PCDH17: variants seen among roughly 807,000 people sequenced by gnomAD.
The protein encoded by PCDH17 is protocadherin-17.
PCDH17 carries 21 observed loss-of-function variants against 67.7 expected under a neutral mutation model. The observed-to-expected ratio is 0.31, with a 90% CI of 0.22 to 0.45. The LOEUF is 0.45. PCDH17 is among the 20% of genes least tolerant of loss of function. The probability of loss-of-function intolerance (pLI) is 1.00; values close to 1 mark genes in which losing one functional copy is unlikely to be tolerated. For missense variants in PCDH17, 1,471 were observed against 1,564.8 expected (o/e 0.94, Z 1.01); for synonymous variants, 701 against 656.7 (o/e 1.07, Z -1.03).
chr13:57,718,636 T>C (rs1955845036), intron 3 of PCDH17, among the ~76,000 whole-genome samples: 1 of 151,946 alleles, frequency 6.6e-6, no homozygotes, highest in Non-Finnish European at 1.5e-5. Context: ...AAGAACTGTG[T>C]ATGTTAGAAA....
intron 3 of PCDH17, among the ~76,000 whole-genome samples, chr13:57,680,015 T>C (rs1955433423): frequency 6.6e-6 from 1 of 151,614 alleles, no homozygotes; most frequent in Non-Finnish European, 1.5e-5. Flanking sequence ...ATTACTTCAG[T>C]AATTCAGTAA....
At position 57,632,481 on chromosome 13, in the gene PCDH17, C is replaced by T. The variant is rs1954738609; in HGVS notation, c.-66C>T. 6.6e-6 allele frequency: 10 copies of T among 1,507,922 alleles called. No homozygotes were observed. Among genetic ancestry groups the T allele is most frequent in the Non-Finnish European group, 8.9e-6 (10 of 1,118,578 alleles). The allele number at this position is 1,507,922 out of a possible 1,614,324, so 93.4% of individuals were successfully genotyped here. A position where few individuals can be genotyped will look rare whatever the true frequency, so the allele number is the denominator to read the frequency against. On this transcript the variant is annotated 5_prime_UTR_variant, in exon 1 of 4. Transcript: ENST00000377918. ...GCGCACGCTGCGCCAGGGCCCCAGG[C>T]TGGCGCGCACTCCCTCTCTGGCTCC...
chr13:57,714,201 A>G (rs1955799948), intron 3 of PCDH17, among the ~76,000 whole-genome samples: 1 of 151,764 alleles, frequency 6.6e-6, no homozygotes, highest in Non-Finnish European at 1.5e-5. Flanking sequence ...GAGTGCTAAA[A>G]CTGACACCTG....
intron 3 of PCDH17, among the ~76,000 whole-genome samples, chr13:57,688,521 A>G (rs988181097): frequency 6.6e-6 from 1 of 151,960 alleles, no homozygotes; most frequent in South Asian, 2.1e-4. Flanking sequence ...CCTTAATTCA[A>G]ATTTTGTGTT....
intron 3 of PCDH17, among the ~76,000 whole-genome samples, chr13:57,702,240 C>T (rs1955672954): frequency 1.3e-5 from 2 of 152,024 alleles, no homozygotes; most frequent in East Asian, 1.9e-4. Flanking sequence ...GGTACCAAAA[C>T]GTAGCTTCAA....
In PCDH17 at chr13:57,725,380, A is replaced by G. The variant is rs1955908216; in HGVS notation, c.*86A>G. The G allele has an allele frequency of 9.0e-6, 11 of 1,226,610 alleles. No individual in the cohort carries two copies. In the East Asian group the frequency reaches 2.6e-4, roughly 29 times the overall value. 76.0% of individuals were successfully genotyped at this position (1,226,610 alleles called of 1,614,324 possible). A position where few individuals can be genotyped will look rare whatever the true frequency, so the allele number is the denominator to read the frequency against. ...CCCTCCTGGTGATAACCCATTTTAC[A>G]GGGATGAAGAAAGACCAATGCTGCT... is the stretch of plus-strand genomic sequence containing the variant. On this transcript the variant is annotated 3_prime_UTR_variant, in exon 4 of 4. Transcript: ENST00000377918.
At chr13:57,645,925 T>C (rs1954959946) in intron 1 of PCDH17, among the ~76,000 whole-genome samples, 1 of 151,488 alleles carries the variant, frequency 6.6e-6, no homozygotes. Context: ...TATATATTAA[T>C]TAATTTTTAA....
rs1394633525 is a variant in PCDH17 at position 57,634,407 on chromosome 13, G to A, written c.1861G>A (p.Gly621Arg). 6.2e-7 allele frequency: 1 copy of A among 1,612,770 alleles called. No homozygotes were observed. Among genetic ancestry groups the A allele is most frequent in the Non-Finnish European group, 8.5e-7 (1 of 1,179,916 alleles). Reference sequence around the variant, plus strand: ...CCTAGACAGCGACTTCGGCGAGAGCGGGCGTCTCACCTACGAGATCGTGGA... The same window carrying A: ...CCTAGACAGCGACTTCGGCGAGAGCAGGCGTCTCACCTACGAGATCGTGGA... ...RALDSDFGES[G>R]RLTYEIVDGN... The change falls in exon 1 of 4, where the codon GGG (glycine) becomes AGG (arginine). Residue 621 changes from glycine to arginine, a missense_variant. This residue lies in a region of PCDH17 where 1,163 missense variants were observed against 1,230.0 expected (regional missense o/e 0.95). Transcript: ENST00000377918. This position sits in a 1 kb window ranked among gnomAD's most constrained non-coding sequence, Gnocchi z 7.8.
chr13:57,658,394 C>T (rs1468722771), intron 1 of PCDH17, among the ~76,000 whole-genome samples: 1 of 152,168 alleles, frequency 6.6e-6, no homozygotes, highest in East Asian at 1.9e-4. Context: ...TTTAAGGAGA[C>T]ACTCTCCACG....
At chr13:57,635,326 C>T (rs1472709107) in intron 1 of PCDH17, among the ~76,000 whole-genome samples, 1 of 151,816 alleles carries the variant, frequency 6.6e-6, no homozygotes, top group Admixed American at 6.5e-5. Flanking sequence ...ACGTAAATAT[C>T]TTACTGTTTC....
intron 1 of PCDH17, among the ~76,000 whole-genome samples, chr13:57,651,833 A>G (rs1291245994): frequency 3.9e-5 from 6 of 152,156 alleles, no homozygotes; most frequent in Admixed American, 3.3e-4. Flanking sequence ...ATACATATTA[A>G]CACATATTAT....
At chr13:57,676,108 TTAAG>T (rs1379433000) in intron 3 of PCDH17, among the ~76,000 whole-genome samples, 4 of 151,966 alleles carry the variant, frequency 2.6e-5, no homozygotes, top group Non-Finnish European at 5.9e-5. Context: ...AATGCCTTAA[TTAAG>T]TTTTAATGTT....
chr13:57,666,861 A>C (rs753750050), intron 3 of PCDH17, 28 bp downstream of exon 3: 1 of 1,565,110 alleles, frequency 6.4e-7, no homozygotes, highest in South Asian at 1.2e-5. Flanking sequence ...ATGCTTACAA[A>C]GTGTAAAGCT....
chr13:57,642,129 A>G (rs1261717812), intron 1 of PCDH17, among the ~76,000 whole-genome samples: 2 of 151,808 alleles, frequency 1.3e-5, no homozygotes, highest in Non-Finnish European at 3.0e-5. Context: ...AAAGATAAAT[A>G]TAATTTTGTA....
intron 1 of PCDH17, among the ~76,000 whole-genome samples, chr13:57,659,048 C>T (rs1055032957): frequency 2.0e-5 from 3 of 151,912 alleles, no homozygotes; most frequent in Admixed American, 1.3e-4. Context: ...TATCTCATGA[C>T]TCTATCTATA....
chr13:57,685,427 C>T (rs887243698), intron 3 of PCDH17, among the ~76,000 whole-genome samples: 5 of 151,866 alleles, frequency 3.3e-5, no homozygotes, highest in Non-Finnish European at 5.9e-5. Flanking sequence ...ATATAAGGAA[C>T]GAAGGTGTGA....
intron 1 of PCDH17, among the ~76,000 whole-genome samples, chr13:57,645,369 A>G (rs1954952117): frequency 6.6e-6 from 1 of 151,646 alleles, no homozygotes; most frequent in Admixed American, 6.6e-5. Flanking sequence ...AGAAACTGAG[A>G]CTTCTATAGT....
At chr13:57,682,801 T>C (rs778598729) in intron 3 of PCDH17, among the ~76,000 whole-genome samples, 2 of 151,776 alleles carry the variant, frequency 1.3e-5, no homozygotes, top group Non-Finnish European at 2.9e-5. Flanking sequence ...AAGTTGATAA[T>C]GGGTAAATGT....
In PCDH17 at chr13:57,633,005, C is replaced by T. The variant is rs145962569; in HGVS notation, c.459C>T (p.Leu153=). 6.2e-7 allele frequency: 1 copy of T among 1,613,164 alleles called. No individual in the cohort carries two copies. Among genetic ancestry groups the T allele is most frequent in the Non-Finnish European group, 8.5e-7 (1 of 1,179,996 alleles). Residue 153 remains leucine (L), a synonymous_variant, in exon 1 of 4, where the codon CTC becomes CTT. Transcript: ENST00000377918. This position sits in a 1 kb window ranked among gnomAD's most constrained non-coding sequence, Gnocchi z 6.2. The part of the protein sequence containing the change: ...ENAAPGTRFP[L]TSAHDPDAGE... Reference sequence around the variant, plus strand: ...CTGCTCCGGGCACCCGCTTCCCCCTCACCAGCGCACATGACCCCGACGCCG... The same window carrying T: ...CTGCTCCGGGCACCCGCTTCCCCCTTACCAGCGCACATGACCCCGACGCCG...
Sources: allele counts gnomAD v4.1 joint callset (sites outside exome capture counted in the v4.1 genomes callset), GRCh38; gene constraint gnomAD v4.1.1; regional missense constraint gnomAD v4.1.1; non-coding constraint Gnocchi (gnomAD v3.1); transcripts MANE v1.5; gene names NCBI Gene and HGNC (gene_info 2026-07-23, HGNC 2026-07-21).